FAM111B: variants seen among roughly 807,000 people sequenced by gnomAD.
FAM111B encodes the protein FAM111 trypsin like peptidase B, also known as serine protease FAM111B.
FAM111B carries 1 observed loss-of-function variant against 2.8 expected under a neutral mutation model. The ratio of observed to expected loss-of-function variants is 0.36; its 90% confidence interval spans 0.13 to 1.70. The LOEUF is 1.70. FAM111B is among the 40% of genes most tolerant of loss of function. The pLI is 0.35. For synonymous variants in FAM111B, 297 were observed against 295.6 expected (o/e 1.00, Z -0.05); for missense variants, 882 against 878.9 (o/e 1.00, Z -0.04).
chr11:59,126,351 A>T lies in FAM111B; in HGVS notation c.*49A>T. 2 of 1,426,936 alleles carry T rather than the reference A, an allele frequency of 1.4e-6. No individual in the cohort carries two copies. The highest frequency in any genetic ancestry group is 1.9e-6 in the Non-Finnish European group (2 of 1,069,284). 88.4% of individuals were successfully genotyped at this position (1,426,936 alleles called of 1,614,324 possible). On this transcript the variant is annotated 3_prime_UTR_variant, in exon 4 of 4. Coordinates refer to ENST00000343597, the MANE Select transcript of FAM111B (RefSeq NM_198947.4). The stretch of plus-strand genomic sequence containing the variant: ...AATATGCCAATAATTCCTGGCAAAG[A>T]TTTCATGACAAAGACACTTAAAGCA...
intron 3 of FAM111B, among the ~76,000 whole-genome samples, chr11:59,122,602 G>A (rs530271652): frequency 8.5e-5 from 13 of 152,280 alleles, no homozygotes; most frequent in Non-Finnish European, 1.3e-4. Context: ...ACCATTATCA[G>A]ATTCAAGAAC....
At position 59,126,022 on chromosome 11, in the gene FAM111B, A is replaced by G; in HGVS notation, c.1925A>G (p.Asp642Gly). ...TGGAACACACACACGCTTAGTTATG[A>G]TACTTGTTTCTCTGATGGGTCCTCA... Reference protein sequence around the residue: ...EVWNTHTLSYDTCFSDGSSGS... With the variant: ...EVWNTHTLSYGTCFSDGSSGS... The change falls in exon 4 of 4, where the codon GAT becomes GGT. Residue 642 changes from aspartate to glycine, a missense_variant. Asp to Gly is a moderately conservative substitution (Grantham distance 94). Coordinates refer to ENST00000343597, the MANE Select transcript of FAM111B (RefSeq NM_198947.4). 1 of 1,613,942 alleles carries G rather than the reference A, an allele frequency of 6.2e-7. No individual in the cohort carries two copies. Among genetic ancestry groups the G allele is most frequent in the Non-Finnish European group, 8.5e-7 (1 of 1,179,872 alleles).
intron 3 of FAM111B, among the ~76,000 whole-genome samples, chr11:59,123,015 T>C (rs540337802): frequency 2.2e-4 from 34 of 152,356 alleles, no homozygotes; most frequent in African/African-American, 7.5e-4. Context: ...TTTTTACTTA[T>C]GTTTTTCATT....
rs1209688460 is a variant in FAM111B at position 59,125,509 on chromosome 11, A to G, written c.1412A>G (p.Asn471Ser). 6.2e-7 allele frequency: 1 copy of G among 1,613,874 alleles called. No individual in the cohort carries two copies. The highest frequency in any genetic ancestry group is 8.5e-7 in the Non-Finnish European group (1 of 1,179,866). The change falls in exon 4 of 4, where the codon AAC becomes AGC. Residue 471 changes from asparagine (N) to serine (S), a missense_variant. Coordinates refer to ENST00000343597, the MANE Select transcript of FAM111B (RefSeq NM_198947.4). ...VGFMQWDNNG[N>S]TGNATCFVFN... ...TTCATGCAATGGGACAATAATGGAA[A>G]CACAGGTAATGCTACTTGCTTTGTC...
At position 59,127,047 on chromosome 11, in the gene FAM111B, TAC is replaced by T. The variant is rs1410104515; in HGVS notation, c.*749_*750del. ...GTGACACATATACACCATAGCATAC[TAC>T]ACAGCCATAAAAAAGTACAAGATCA... is the stretch of plus-strand genomic sequence containing the variant. On this transcript the variant is annotated 3_prime_UTR_variant, in exon 4 of 4. Transcript: ENST00000343597. 1 of 152,212 alleles carries T rather than the reference TAC, an allele frequency of 6.6e-6. No homozygotes were observed. The highest frequency in any genetic ancestry group is 1.5e-5 in the Non-Finnish European group (1 of 68,020). 9.4% of individuals were successfully genotyped at this position (152,212 alleles called of 1,614,324 possible). A position where few individuals can be genotyped will look rare whatever the true frequency, so the allele number is the denominator to read the frequency against.
Position 59,125,076 on chromosome 11 carries a change from C to T in FAM111B, c.979C>T (p.Pro327Ser). 1 of 1,613,390 alleles carries T rather than the reference C, an allele frequency of 6.2e-7. No homozygotes were observed. Among genetic ancestry groups the T allele is most frequent in the Non-Finnish European group, 8.5e-7 (1 of 1,179,646 alleles). Reference protein sequence around the residue: ...VEHSREQILPPQDLSHYIKDK... With the variant: ...VEHSREQILPSQDLSHYIKDK... Reference sequence around the variant, plus strand: ...ACACAGCAGAGAGCAAATTCTCCCACCTCAGGATCTAAGCCATTATATTAA... The same window carrying T: ...ACACAGCAGAGAGCAAATTCTCCCATCTCAGGATCTAAGCCATTATATTAA... The change falls in exon 4 of 4, where the codon CCT becomes TCT. Residue 327 changes from proline to serine, a missense_variant. Coordinates refer to ENST00000343597, the MANE Select transcript of FAM111B (RefSeq NM_198947.4).
At chr11:59,116,378 T>C (rs1859841133) in intron 3 of FAM111B, among the ~76,000 whole-genome samples, 1 of 152,194 alleles carries the variant, frequency 6.6e-6, no homozygotes, top group South Asian at 2.1e-4. Flanking sequence ...TGAGTGCAGA[T>C]TACCCAATCC....
chr11:59,114,280 G>A (rs1859807356), intron 3 of FAM111B, among the ~76,000 whole-genome samples: 1 of 152,196 alleles, frequency 6.6e-6, no homozygotes, highest in South Asian at 2.1e-4. Flanking sequence ...CAGAGGGAGG[G>A]GTGGACAGGG....
intron 3 of FAM111B, among the ~76,000 whole-genome samples, chr11:59,123,978 G>A (rs1859963104): frequency 6.6e-6 from 1 of 151,758 alleles, no homozygotes; most frequent in Non-Finnish European, 1.5e-5. Flanking sequence ...AAAGTATACA[G>A]AGAAAAAAAA....
chr11:59,112,399 A>G (rs1008935194), intron 3 of FAM111B, among the ~76,000 whole-genome samples: 1 of 152,080 alleles, frequency 6.6e-6, no homozygotes, highest in African/African-American at 2.4e-5. Flanking sequence ...CTGTTTATCC[A>G]TTCACTCCCT....
Position 59,125,826 on chromosome 11 carries a change from A to G in FAM111B, c.1729A>G (p.Ile577Val). 1 of 1,613,904 alleles carries G rather than the reference A, an allele frequency of 6.2e-7. No individual in the cohort carries two copies. Among genetic ancestry groups the G allele is most frequent in the Non-Finnish European group, 8.5e-7 (1 of 1,179,834 alleles). Residue 577 changes from isoleucine (I) to valine (V), a missense_variant, in exon 4 of 4, where the codon ATT becomes GTT. Coordinates refer to ENST00000343597, the MANE Select transcript of FAM111B (RefSeq NM_198947.4). ...ACCATCTACTGGTTTGATTTATTTA[A>G]TTGGTCATCCTGAAGGCCAGATCAA... ...PQPSTGLIYL[I>V]GHPEGQIKKI...
Position 59,125,729 on chromosome 11 carries a change from T to C in FAM111B, c.1632T>C (p.Asp544=), listed in dbSNP as rs764915010. The C allele has an allele frequency of 2.5e-6, 4 of 1,613,804 alleles. No homozygotes were observed. Among genetic ancestry groups the C allele is most frequent in the Non-Finnish European group, 3.4e-6 (4 of 1,179,800 alleles). ...PWLKVSNENL[D]YAILKLKENG... The stretch of plus-strand genomic sequence containing the variant: ...TTAAAGTGTCCAATGAAAATCTAGA[T>C]TATGCCATTTTAAAACTAAAAGAAA... Residue 544 remains aspartate (D), a synonymous_variant, in exon 4 of 4, where the codon GAT becomes GAC. Transcript: ENST00000343597.
chr11:59,120,196 G>C (rs1009436028), intron 3 of FAM111B, among the ~76,000 whole-genome samples: 4 of 152,138 alleles, frequency 2.6e-5, no homozygotes, highest in Non-Finnish European at 5.9e-5. Context: ...ATACTAATGA[G>C]TAGAAAAATT....
chr11:59,121,576 T>A (rs2135401936), intron 3 of FAM111B, among the ~76,000 whole-genome samples: 1 of 152,354 alleles, frequency 6.6e-6, no homozygotes. Flanking sequence ...CATTTTCTTT[T>A]TCTCATTGCT....
rs367701251 is a variant in FAM111B at position 59,116,569 on chromosome 11, C to G, written c.81+6863C>G. 7.9e-5 allele frequency among the ~76,000 whole-genome samples: 12 copies of G among 152,268 alleles called. No homozygotes were observed. The East Asian group carries it at 2.1e-3, about 27-fold the overall frequency. ...CCCAGAGCTATAGAGGGAAGAGTGACTGGCTTCTAGGACTCTTAACTGAGG... is the reference window on the plus strand; with the variant it reads ...CCCAGAGCTATAGAGGGAAGAGTGAGTGGCTTCTAGGACTCTTAACTGAGG... On this transcript the variant is annotated intron_variant, in intron 3 of 3. Coordinates refer to ENST00000343597, the MANE Select transcript of FAM111B (RefSeq NM_198947.4).
intron 1 of FAM111B, among the ~76,000 whole-genome samples, chr11:59,108,353 C>T (rs1859699550): frequency 6.6e-6 from 1 of 152,232 alleles, no homozygotes; most frequent in African/African-American, 2.4e-5. Context: ...CAGTACACAG[C>T]TGAATGCTTT....
intron 3 of FAM111B, among the ~76,000 whole-genome samples, chr11:59,122,558 G>A (rs1859940285): frequency 6.6e-6 from 1 of 152,156 alleles, no homozygotes; most frequent in African/African-American, 2.4e-5. Flanking sequence ...ACTATTCACA[G>A]GATACTAGCT....
At chr11:59,123,035 A>G (rs1193496500) in intron 3 of FAM111B, among the ~76,000 whole-genome samples, 1 of 152,184 alleles carries the variant, frequency 6.6e-6, no homozygotes, top group Non-Finnish European at 1.5e-5. Flanking sequence ...TTCTGTTGCC[A>G]TCAGATTCTC....
rs550826695 is a variant in FAM111B, at chr11:59,110,584, T to G, written c.81+878T>G. ...AAATAATAAGAGGGCAGGAAGAGAC[T>G]TTGGGAGGTGATAGATAGGTTGATG... On this transcript the variant is annotated intron_variant, in intron 3 of 3. Transcript: ENST00000343597. 3.9e-5 allele frequency among the ~76,000 whole-genome samples: 6 copies of G among 152,278 alleles called. No individual in the cohort carries two copies. The South Asian group carries it at 1.2e-3, about 32-fold the overall frequency.
Sources: allele counts gnomAD v4.1 joint callset (sites outside exome capture counted in the v4.1 genomes callset), GRCh38; gene constraint gnomAD v4.1.1; transcripts MANE v1.5; gene names NCBI Gene and HGNC (gene_info 2026-07-23, HGNC 2026-07-21).